Variants in MMS19 observed in about 807,000 individuals in gnomAD.
The protein encoded by MMS19 is MMS19 cytosolic iron-sulfur assembly component, also known as MMS19 nucleotide excision repair protein homolog.
A neutral mutation model predicts 129.8 loss-of-function variants in MMS19; 77 were observed. The ratio of observed to expected loss-of-function variants is 0.59; its 90% CI spans 0.49 to 0.72. The LOEUF (loss-of-function observed/expected upper bound fraction) is 0.72. Ranked by LOEUF, MMS19 falls within the 30% of genes least tolerant of loss-of-function variation. The probability of loss-of-function intolerance (pLI) is 0.00; values close to 1 mark genes in which losing one functional copy is unlikely to be tolerated. For missense variants in MMS19, 1,168 were observed against 1,266.3 expected, an observed-to-expected ratio of 0.92 and a Z score of 1.18; for synonymous variants, 491 against 502.8, an observed-to-expected ratio of 0.98 and a Z score of 0.31.
chr10:97,470,297 G>A, intron 9 of MMS19, 94 bp from the exon 10 acceptor site: 1 of 846,648 alleles, frequency 1.2e-6, no homozygotes, highest in Non-Finnish European at 2.0e-6. Context: ...CCTAAAAGCA[G>A]GTACTACATC....
Position 97,485,208 on chromosome 10 carries a change from A to G in MMS19, c.113-1057T>C, listed in dbSNP as rs1164081399. Among the ~76,000 whole-genome samples the G allele has an allele frequency of 4.6e-5, 7 of 151,618 alleles. No homozygotes were observed. In the East Asian group the frequency reaches 1.4e-3, roughly 30 times the overall value. On this transcript the variant is annotated intron_variant, in intron 1 of 30. Transcript: ENST00000438925. Reference sequence around the variant, plus strand: ...CAATGGTGTGATCTCGGCTTGCTGCAACCTCCACCTCCTGGGTTCAAGCGA... The same window carrying G: ...CAATGGTGTGATCTCGGCTTGCTGCGACCTCCACCTCCTGGGTTCAAGCGA...
At chr10:97,473,705 A>G (rs895828856) in intron 8 of MMS19, among the ~76,000 whole-genome samples, 4 of 152,152 alleles carry the variant, frequency 2.6e-5, no homozygotes, top group Non-Finnish European at 5.9e-5. Flanking sequence ...TGAAAATTAT[A>G]TGAAATTCAA....
intron 2 of MMS19, among the ~76,000 whole-genome samples, chr10:97,481,606 T>G (rs1199050787): frequency 1.3e-5 from 2 of 152,070 alleles, no homozygotes; most frequent in Admixed American, 1.3e-4. Flanking sequence ...CTTTAACTAG[T>G]TAACTAGGTA....
At chr10:97,491,759 C>T (rs2038929789) in intron 1 of MMS19, among the ~76,000 whole-genome samples, 1 of 152,188 alleles carries the variant, frequency 6.6e-6, no homozygotes, top group Admixed American at 6.5e-5. Context: ...TCCTTGAATC[C>T]CAGTATGTGG....
chr10:97,466,403 C>G, intron 16 of MMS19, 101 bp downstream of exon 16: 1 of 1,001,208 alleles, frequency 1.0e-6, no homozygotes, highest in South Asian at 1.3e-5. Context: ...CTAAGGAGAG[C>G]CAAGGGTCAG....
rs766872182 is a variant in MMS19, at chr10:97,460,113, C to G, written c.2589G>C (p.Met863Ile). 4.9e-5 allele frequency: 79 copies of G among 1,613,934 alleles called. No individual in the cohort carries two copies. Among genetic ancestry groups the G allele is most frequent in the Non-Finnish European group, 6.7e-5 (79 of 1,179,920 alleles). Reference sequence around the variant, plus strand: ...TATCTGTGAAGAACCGCTGGCGGAACATGATCCGCACTTCGGCATGGCCAG... The same window carrying G: ...TATCTGTGAAGAACCGCTGGCGGAAGATGATCCGCACTTCGGCATGGCCAG... ...TRAGHAEVRI[M>I]FRQRFFTDNV... Residue 863 changes from methionine to isoleucine, a missense_variant, in exon 26 of 31, where the codon ATG (methionine) becomes ATC (isoleucine). Met to Ile is a conservative substitution (Grantham distance 10, BLOSUM62 1). Transcript: ENST00000438925.
chr10:97,467,607 G>A, intron 13 of MMS19, 24 bp from the exon 14 acceptor site: 1 of 1,607,640 alleles, frequency 6.2e-7, no homozygotes, highest in Non-Finnish European at 8.5e-7. Context: ...AGGGGTACTA[G>A]AGTCAAAGAA....
At chr10:97,466,630 G>T in intron 15 of MMS19, 45 bp from the exon 16 acceptor site, 1 of 1,580,646 alleles carries the variant, frequency 6.3e-7, no homozygotes, top group Non-Finnish European at 8.7e-7. Flanking sequence ...TTCCCCTGCA[G>T]CCATCACAAC....
At chr10:97,480,059 T>A (rs983172848) in intron 3 of MMS19, among the ~76,000 whole-genome samples, 2 of 152,178 alleles carry the variant, frequency 1.3e-5, no homozygotes, top group African/African-American at 4.8e-5. Flanking sequence ...CCTGGCAACA[T>A]GGCTGCCCCC....
Position 97,475,447 on chromosome 10 carries a change from A to C in MMS19, c.684+1236T>G, listed in dbSNP as rs2035561918. Among the ~76,000 whole-genome samples the C allele has an allele frequency of 2.0e-5, 3 of 152,246 alleles. No homozygotes were observed. In the South Asian group the frequency reaches 6.2e-4, roughly 31 times the overall value. On this transcript the variant is annotated intron_variant, in intron 8 of 30. Transcript: ENST00000438925. ...ACCAACACAAAACACAAAATAAAAC[A>C]AAGTAAAGGCTGGGCATGGTGGCCC...
Position 97,460,170 on chromosome 10 carries a change from G to A in MMS19, c.2532C>T (p.Leu844=). The change falls in exon 26 of 31, where the codon CTC becomes CTT. Residue 844 remains leucine (L), a synonymous_variant. Coordinates refer to ENST00000438925, the MANE Select transcript of MMS19 (RefSeq NM_022362.5). ...GPAAADGFSL[L]MSDCTDVLTR... The stretch of plus-strand genomic sequence containing the variant: ...TCAGCACATCAGTGCAGTCAGACAT[G>A]AGCAGAGAGAAGCCATCAGCTGCTG... 1 of 1,614,034 alleles carries A rather than the reference G, an allele frequency of 6.2e-7. No individual in the cohort carries two copies. The highest frequency in any genetic ancestry group is 8.5e-7 in the Non-Finnish European group (1 of 1,179,902).
rs143832985 is a variant in MMS19, at chr10:97,462,682, T to G, written c.1913A>C (p.Glu638Ala). The G allele has an allele frequency of 8.7e-6, 14 of 1,610,178 alleles. No individual in the cohort carries two copies. Among genetic ancestry groups the G allele is most frequent in the African/African-American group, 8.0e-5 (6 of 74,858 alleles). The change falls in exon 20 of 31, where the codon GAG (glutamate) becomes GCG (alanine). Residue 638 changes from glutamate to alanine, a missense_variant and splice_region_variant. This residue lies in a region of MMS19 where 831 missense variants were observed against 910.8 expected (regional missense o/e 0.91). Transcript: ENST00000438925. ...LALAVQASMP[E>A]KEPSVLRKVL... Reference sequence around the variant, plus strand: ...TTTTCTCAGAACTGAGGGCTCCTTCTCTGCAAAACACACACACATGCACAC... The same window carrying G: ...TTTTCTCAGAACTGAGGGCTCCTTCGCTGCAAAACACACACACATGCACAC...
chr10:97,495,442 C>G (rs1399507897), intron 1 of MMS19, among the ~76,000 whole-genome samples: 1 of 152,224 alleles, frequency 6.6e-6, no homozygotes, highest in East Asian at 1.9e-4. Flanking sequence ...GGCTGCTACT[C>G]TGAGTGACTG....
intron 13 of MMS19, among the ~76,000 whole-genome samples, chr10:97,467,830 ATTT>A (rs1285490114): frequency 7.3e-6 from 1 of 137,390 alleles, no homozygotes. Flanking sequence ...TATCCAGCTA[ATTT>A]TTTTTTTTTT....
At position 97,478,382 on chromosome 10, in the gene MMS19, G is replaced by A; in HGVS notation, c.270C>T (p.His90=). Residue 90 remains histidine, a synonymous_variant, in exon 4 of 31, where the codon CAC becomes CAT. Transcript: ENST00000438925. ...GCCGGTTCTCATAGAACAGTATCAGGTGTACCACTGCACAAACCAGATTCA... is the reference window on the plus strand; with the variant it reads ...GCCGGTTCTCATAGAACAGTATCAGATGTACCACTGCACAAACCAGATTCA... ...HTLLLEKEVV[H]LILFYENRLK... is the part of the protein sequence containing the mutation. 1.9e-6 allele frequency: 3 copies of A among 1,603,248 alleles called. No homozygotes were observed. The highest frequency in any genetic ancestry group is 2.6e-6 in the Non-Finnish European group (3 of 1,174,858).
chr10:97,483,307 G>A (rs1589741853), intron 2 of MMS19, among the ~76,000 whole-genome samples: 2 of 152,106 alleles, frequency 1.3e-5, no homozygotes, highest in South Asian at 4.2e-4. Flanking sequence ...ACCTTCTTCG[G>A]CCTCTCAAAG....
At chr10:97,463,745 A>G (rs2032682962) in intron 19 of MMS19, 113 bp downstream of exon 19, 3 of 1,013,672 alleles carry the variant, frequency 3.0e-6, no homozygotes, top group South Asian at 1.7e-5. Flanking sequence ...AGGATTGAAA[A>G]TAAACCTCTG....
intron 2 of MMS19, among the ~76,000 whole-genome samples, chr10:97,483,403 A>C (rs1272871636): frequency 1.3e-5 from 2 of 152,156 alleles, no homozygotes; most frequent in Admixed American, 6.5e-5. Flanking sequence ...CAATGTGAGC[A>C]GAAAGGTCAA....
At chr10:97,466,991 T>C (rs2033636928) in intron 14 of MMS19, 90 bp from the exon 15 acceptor site, 2 of 1,059,472 alleles carry the variant, frequency 1.9e-6, no homozygotes, top group South Asian at 1.8e-5. Flanking sequence ...CTGGGGTAGA[T>C]TTTTTTTTTG....
Sources: gnomAD v4.1 joint callset for allele counts (sites outside exome capture counted in the v4.1 genomes callset) on GRCh38, gnomAD v4.1.1 for gene constraint, gnomAD v4.1.1 regional missense constraint, MANE v1.5 for transcripts, NCBI Gene and HGNC (gene_info 2026-07-23, HGNC 2026-07-21) for gene names.